NUP98: variants seen among roughly 807,000 people sequenced by gnomAD.
The protein encoded by NUP98 is nucleoporin 98 and 96 precursor, also known as nuclear pore complex protein Nup98-Nup96.
NUP98 carries 26 observed loss-of-function variants against 191.9 expected under a neutral mutation model. That is an observed-to-expected ratio of 0.14 (90% confidence interval 0.10 to 0.19). The LOEUF is 0.19. NUP98 is among the 10% of genes least tolerant of loss of function. The pLI, the probability that NUP98 is intolerant of heterozygous loss-of-function variation, is 1.00. For synonymous variants in NUP98, 808 were observed against 778.4 expected (o/e 1.04, Z -0.63); for missense variants, 1,941 against 2,178.8 (o/e 0.89, Z 2.17).
intron 12 of NUP98, among the ~76,000 whole-genome samples, chr11:3,740,308 C>T (rs1181650997): frequency 3.3e-5 from 5 of 151,978 alleles, no homozygotes; most frequent in East Asian, 1.9e-4. Flanking sequence ...GTCAGGAGTT[C>T]GTGACCAGCC....
chr11:3,774,061 A>G (rs1000415035), intron 5 of NUP98, among the ~76,000 whole-genome samples: 3 of 152,150 alleles, frequency 2.0e-5, no homozygotes, highest in African/African-American at 4.8e-5. Flanking sequence ...TTAAACCTCT[A>G]TATCTAAGTT....
At chr11:3,786,940 A>C (rs2082162313) in intron 1 of NUP98, among the ~76,000 whole-genome samples, 1 of 152,220 alleles carries the variant, frequency 6.6e-6, no homozygotes, top group South Asian at 2.1e-4. Flanking sequence ...ACTCCTTTGT[A>C]TCAAAGCCAG....
chr11:3,721,198 GA>G (rs1489664882), intron 16 of NUP98, among the ~76,000 whole-genome samples: 1 of 152,106 alleles, frequency 6.6e-6, no homozygotes, highest in Non-Finnish European at 1.5e-5. Flanking sequence ...AATACTCTGA[GA>G]AAAGCTTAAT....
intron 28 of NUP98, 21 bp from the exon 29 acceptor site, chr11:3,686,215 G>A (rs1400928479): frequency 1.2e-6 from 2 of 1,607,974 alleles, no homozygotes; most frequent in Non-Finnish European, 1.7e-6. Context: ...CGTGTTGAGA[G>A]TCAACATACA....
intron 12 of NUP98, among the ~76,000 whole-genome samples, chr11:3,739,921 G>T (rs2134342569): frequency 6.6e-6 from 1 of 152,224 alleles, no homozygotes; most frequent in South Asian, 2.1e-4. Flanking sequence ...TCCACCTTAT[G>T]ATTTTCCTAA....
chr11:3,764,158 AT>A (rs34952026), intron 8 of NUP98, among the ~76,000 whole-genome samples: 9 of 150,288 alleles, frequency 6.0e-5, no homozygotes, highest in East Asian at 3.9e-4. Flanking sequence ...TTTTCTATGG[AT>A]TTTTTTTTTA....
At chr11:3,729,525 A>G (rs1260961192) in intron 14 of NUP98, among the ~76,000 whole-genome samples, 6 of 142,694 alleles carry the variant, frequency 4.2e-5, no homozygotes, top group African/African-American at 1.6e-4. Context: ...TGGGCAACAC[A>G]GAAAGACCCT....
intron 8 of NUP98, 65 bp downstream of exon 8, chr11:3,768,516 T>C: frequency 7.2e-7 from 1 of 1,384,168 alleles, no homozygotes; most frequent in South Asian, 2.0e-5. Context: ...TTTGACATGA[T>C]TAGAATCCTC....
intron 6 of NUP98, among the ~76,000 whole-genome samples, chr11:3,773,032 T>C (rs1426387481): frequency 6.6e-6 from 1 of 152,078 alleles, no homozygotes; most frequent in East Asian, 1.9e-4. Context: ...AGCTGTACTT[T>C]GCATAATTTT....
At chr11:3,679,113 ACT>A (rs1296419057) in intron 31 of NUP98, among the ~76,000 whole-genome samples, 1 of 131,880 alleles carries the variant, frequency 7.6e-6, no homozygotes, top group African/African-American at 2.8e-5. Flanking sequence ...ACAGAGCAAG[ACT>A]CTGTTCCAAA....
chr11:3,742,628 G>A (rs906994858), intron 12 of NUP98, among the ~76,000 whole-genome samples: 2 of 148,538 alleles, frequency 1.3e-5, no homozygotes, highest in African/African-American at 5.0e-5. Flanking sequence ...GAACCTGGGA[G>A]GCAGAGGTTG....
intron 7 of NUP98, among the ~76,000 whole-genome samples, chr11:3,771,089 C>T (rs1487739481): frequency 6.6e-6 from 1 of 152,204 alleles, no homozygotes; most frequent in Non-Finnish European, 1.5e-5. Flanking sequence ...TCTTGAACTC[C>T]TGACCTCAAG....
rs780014475 is a variant in NUP98, at chr11:3,679,722, G to C, written c.4919-14C>G. 1 of 1,612,108 alleles carries C rather than the reference G, an allele frequency of 6.2e-7. No individual in the cohort carries two copies. Among genetic ancestry groups the C allele is most frequent in the Non-Finnish European group, 8.5e-7 (1 of 1,179,132 alleles). On this transcript the variant is annotated splice_polypyrimidine_tract_variant and intron_variant, in intron 30 of 32. Coordinates refer to ENST00000324932, the MANE Select transcript of NUP98 (RefSeq NM_016320.5). ...TAATGATGGCATCTGAAGAAACAAAGTATTGAGCACAATGTCTGCACAAGT... is the reference window on the plus strand; with the variant it reads ...TAATGATGGCATCTGAAGAAACAAACTATTGAGCACAATGTCTGCACAAGT...
At chr11:3,778,803 G>T in intron 4 of NUP98, 70 bp downstream of exon 4, 1 of 1,479,768 alleles carries the variant, frequency 6.8e-7, no homozygotes, top group African/African-American at 1.4e-5. Flanking sequence ...CAGAAAAACG[G>T]AGAAAAGACA....
At chr11:3,768,303 C>T (rs573191405) in intron 8 of NUP98, among the ~76,000 whole-genome samples, 30 of 151,974 alleles carry the variant, frequency 2.0e-4, no homozygotes, top group Non-Finnish European at 4.0e-4. Context: ...CACCTGTAGT[C>T]CCAGCTACTC....
At chr11:3,677,885 T>C (rs954149622) in intron 31 of NUP98, among the ~76,000 whole-genome samples, 7 of 152,174 alleles carry the variant, frequency 4.6e-5, no homozygotes, top group Admixed American at 2.0e-4. Flanking sequence ...ATGAGGATAA[T>C]AATAGATAAC....
intron 17 of NUP98, among the ~76,000 whole-genome samples, chr11:3,719,902 A>AG (rs1425226048): frequency 6.6e-6 from 1 of 151,928 alleles, no homozygotes; most frequent in East Asian, 1.9e-4. Context: ...TGAGACTACA[A>AG]GCACATATCA....
At chr11:3,717,348 CTG>C (rs879918211) in intron 18 of NUP98, among the ~76,000 whole-genome samples, 1 of 152,170 alleles carries the variant, frequency 6.6e-6, no homozygotes, top group Non-Finnish European at 1.5e-5. Context: ...TTCCATTTAT[CTG>C]TGTCTGGTGT....
intron 14 of NUP98, among the ~76,000 whole-genome samples, chr11:3,727,566 A>G (rs532117168): frequency 6.6e-6 from 1 of 152,222 alleles, no homozygotes; most frequent in Non-Finnish European, 1.5e-5. Flanking sequence ...TGGGGGTAGA[A>G]AGAGAGAGTA....
Sources: allele counts gnomAD v4.1 joint callset (sites outside exome capture counted in the v4.1 genomes callset), GRCh38; gene constraint gnomAD v4.1.1; transcripts MANE v1.5; gene names NCBI Gene and HGNC (gene_info 2026-07-23, HGNC 2026-07-21).